Variants in SHCBP1 observed in about 807,000 individuals in gnomAD.
SHCBP1 encodes SHC SH2 domain-binding protein 1.
A neutral mutation model predicts 75.1 loss-of-function variants in SHCBP1; 60 were observed. The ratio of observed to expected loss-of-function variants is 0.80; its 90% CI spans 0.65 to 0.99. The LOEUF (loss-of-function observed/expected upper bound fraction) is 0.99. Ranked by LOEUF, SHCBP1 falls within the 50% of genes least tolerant of loss-of-function variation. The pLI is 0.00. For missense variants in SHCBP1, 709 were observed against 809.4 expected, an observed-to-expected ratio of 0.88 and a Z score of 1.50; for synonymous variants, 290 against 293.2, an observed-to-expected ratio of 0.99 and a Z score of 0.11.
chr16:46,620,973 T>C (rs143756264), intron 1 of SHCBP1: 2 of 382,646 alleles, frequency 5.2e-6, no homozygotes, highest in South Asian at 8.4e-5. Context: ...CCCATCCAGA[T>C]AGGGAATTCC....
chr16:46,618,128 A>G, intron 2 of SHCBP1, 77 bp downstream of exon 2: 1 of 1,411,458 alleles, frequency 7.1e-7, no homozygotes, highest in South Asian at 1.5e-5. Context: ...GTGAGCCGAG[A>G]TCGCACCATC....
intron 12 of SHCBP1, 133 bp from the exon 13 acceptor site, chr16:46,582,187 A>T (rs1049147022): frequency 1.2e-6 from 1 of 849,880 alleles, no homozygotes; most frequent in Non-Finnish European, 1.8e-6. Context: ...CTCACACAGG[A>T]TCACCAATTT....
rs1488694147 is a variant in SHCBP1, at chr16:46,618,273, G to A, written c.203C>T (p.Pro68Leu). 6 of 1,613,326 alleles carry A rather than the reference G, an allele frequency of 3.7e-6. No individual in the cohort carries two copies. The Admixed American group carries it at 1.0e-4, about 27-fold the overall frequency. The change falls in exon 2 of 13, where the codon CCA (proline) becomes CTA (leucine). Residue 68 changes from proline (P) to leucine (L), a missense_variant. Pro to Leu is a moderately conservative substitution (Grantham distance 98, BLOSUM62 -3). Coordinates refer to ENST00000303383, the MANE Select transcript of SHCBP1 (RefSeq NM_024745.5). ...AAGTTGATTTGTTTGGAAAATTTCT[G>A]GGAAAAAGGTTTTTCCTTCTGGCAT... The part of the protein sequence containing the change: ...SFMPEGKTFF[P>L]EIFQTNQLLF...
chr16:46,598,464 A>AT (rs927398530), intron 9 of SHCBP1, among the ~76,000 whole-genome samples: 59 of 151,044 alleles, frequency 3.9e-4, no homozygotes, highest in Admixed American at 9.9e-4. Context: ...TTTTAAAGGA[A>AT]TTTTTTTTTT....
At chr16:46,614,470 T>C (rs944923665) in intron 4 of SHCBP1, among the ~76,000 whole-genome samples, 1 of 152,210 alleles carries the variant, frequency 6.6e-6, no homozygotes, top group East Asian at 1.9e-4. Flanking sequence ...ACTATCTATA[T>C]CAGGAACTAT....
chr16:46,582,496 G>C (rs938763295), intron 12 of SHCBP1, among the ~76,000 whole-genome samples: 6 of 152,234 alleles, frequency 3.9e-5, no homozygotes, highest in African/African-American at 1.2e-4. Flanking sequence ...GAGGAAGTCA[G>C]AGAAATTCAG....
chr16:46,582,720 A>T (rs1247449429), intron 12 of SHCBP1, among the ~76,000 whole-genome samples: 1 of 152,202 alleles, frequency 6.6e-6, no homozygotes, highest in Non-Finnish European at 1.5e-5. Flanking sequence ...CTGCCCCCAG[A>T]GCTTTCAGAT....
chr16:46,599,873 C>G lies in SHCBP1; in HGVS notation c.1303G>C (p.Gly435Arg). 6.2e-7 allele frequency: 1 copy of G among 1,611,854 alleles called. No individual in the cohort carries two copies. The highest frequency in any genetic ancestry group is 8.5e-7 in the Non-Finnish European group (1 of 1,179,422). The part of the protein sequence containing the change: ...DCTGADIKIS[G>R]IKFVQHDAVE... ...GCATCATGCTGAACAAATTTTATGC[C>G]TGAGATTTTAATATCAGCACCAGTG... The change falls in exon 9 of 13, where the codon GGC (glycine) becomes CGC (arginine). Residue 435 changes from glycine to arginine, a missense_variant. By Grantham distance (125) the Gly-to-Arg change is moderately radical. Coordinates refer to ENST00000303383, the MANE Select transcript of SHCBP1 (RefSeq NM_024745.5).
chr16:46,592,559 A>C (rs2142998730), intron 10 of SHCBP1, among the ~76,000 whole-genome samples: 1 of 152,288 alleles, frequency 6.6e-6, no homozygotes, highest in East Asian at 1.9e-4. Flanking sequence ...TCTCGTTTAC[A>C]AAATACAAGA....
intron 10 of SHCBP1, among the ~76,000 whole-genome samples, chr16:46,592,949 C>T (rs1323717137): frequency 1.3e-3 from 1 of 752 alleles, no homozygotes; most frequent in African/African-American, 2.7e-3. Flanking sequence ...GATAAAAATT[C>T]TCAAAAAAAA....
At chr16:46,613,258 C>T (rs929608801) in intron 4 of SHCBP1, among the ~76,000 whole-genome samples, 4 of 152,096 alleles carry the variant, frequency 2.6e-5, no homozygotes, top group Non-Finnish European at 2.9e-5. Flanking sequence ...CCCCACAGTT[C>T]GAGCCTGCAT....
In SHCBP1 at chr16:46,592,951, C is replaced by CAAAAAAAAAAAAAAAAAA; in HGVS notation, c.1464+2583_1464+2600dup. ...AACATCCACTTATGATAAAAATTCT[C>CAAAAAAAAAAAAAAAAAA]AAAAAAAAAAAAAAAAAAAAAAAAA... is the stretch of plus-strand genomic sequence containing the variant. On this transcript the variant is annotated intron_variant, in intron 10 of 12. Transcript: ENST00000303383. Among the ~76,000 whole-genome samples, 11 of 22,776 alleles carry CAAAAAAAAAAAAAAAAAA rather than the reference C, an allele frequency of 4.8e-4. 1 individual carries two copies. Among genetic ancestry groups the CAAAAAAAAAAAAAAAAAA allele is most frequent in the Admixed American group, 2.1e-3 (2 of 956 alleles). 14.9% of individuals were successfully genotyped at this position (22,776 alleles called of 152,430 possible). A position where few individuals can be genotyped will look rare whatever the true frequency, so the allele number is the denominator to read the frequency against.
At chr16:46,584,805 A>G (rs1291690474) in intron 10 of SHCBP1, among the ~76,000 whole-genome samples, 2 of 152,218 alleles carry the variant, frequency 1.3e-5, no homozygotes, top group Admixed American at 6.5e-5. Context: ...TCAAACCTCT[A>G]TAGTTATTTC....
At chr16:46,585,094 G>A (rs571249224) in intron 10 of SHCBP1, among the ~76,000 whole-genome samples, 8 of 152,172 alleles carry the variant, frequency 5.3e-5, no homozygotes, top group South Asian at 2.1e-4. Flanking sequence ...ATTTTGGGGC[G>A]ACTATGTTTA....
intron 11 of SHCBP1, 51 bp downstream of exon 11, chr16:46,583,952 A>T: frequency 6.9e-7 from 1 of 1,445,430 alleles, no homozygotes; most frequent in Non-Finnish European, 9.5e-7. Context: ...CATAATTTGT[A>T]GGTAAAACCA....
intron 5 of SHCBP1, among the ~76,000 whole-genome samples, chr16:46,604,943 T>G (rs1205124773): frequency 2.0e-5 from 3 of 152,220 alleles, no homozygotes; most frequent in Non-Finnish European, 2.9e-5. Context: ...TTTTTAAGGT[T>G]ATCATATTTA....
intron 12 of SHCBP1, 61 bp from the exon 13 acceptor site, chr16:46,582,115 T>C (rs1350973051): frequency 1.3e-6 from 2 of 1,496,716 alleles, no homozygotes; most frequent in Admixed American, 2.1e-5. Flanking sequence ...CAAAAACATA[T>C]ATTTCTACAC....
At chr16:46,583,265 CATG>C (rs999382424) in intron 12 of SHCBP1, among the ~76,000 whole-genome samples, 3 of 152,118 alleles carry the variant, frequency 2.0e-5, no homozygotes, top group African/African-American at 7.2e-5. Context: ...GAAAGCTAAC[CATG>C]ATAAGAAGGG....
intron 10 of SHCBP1, among the ~76,000 whole-genome samples, chr16:46,590,470 G>T (rs946509452): frequency 3.3e-5 from 5 of 152,038 alleles, no homozygotes; most frequent in Non-Finnish European, 5.9e-5. Context: ...AAATTTACAA[G>T]AAAAAATCAA....
Sources: gnomAD v4.1 joint callset for allele counts (sites outside exome capture counted in the v4.1 genomes callset) on GRCh38, gnomAD v4.1.1 for gene constraint, MANE v1.5 for transcripts, NCBI Gene and HGNC (gene_info 2026-07-23, HGNC 2026-07-21) for gene names.